The following TET2 variants were observed in gnomAD, a reference collection of about 807,000 sequenced individuals.
TET2 encodes the protein methylcytosine dioxygenase TET2.
TET2 carries 299 observed loss-of-function variants against 142.9 expected under a neutral mutation model. The observed-to-expected ratio is 2.09, with a 90% CI of 1.90 to 2.30. TET2 has a LOEUF of 2.30. TET2 is among the 30% of genes most tolerant of loss of function. The pLI is 0.00. For missense variants in TET2, 2,418 were observed against 2,378.0 expected (o/e 1.02, Z -0.35); for synonymous variants, 819 against 849.0 (o/e 0.96, Z 0.61).
rs2110234038 is a variant in TET2 at position 105,236,478 on chromosome 4, G to A, written c.2536G>A (p.Glu846Lys). 1 of 1,614,048 alleles carries A rather than the reference G, an allele frequency of 6.2e-7. No homozygotes were observed. The highest frequency in any genetic ancestry group is 1.1e-5 in the South Asian group (1 of 91,074). The change falls in exon 3 of 11, where the codon GAA (glutamate) becomes AAA (lysine). Residue 846 changes from glutamate (E) to lysine (K), a missense_variant. Glu to Lys is a moderately conservative substitution (Grantham distance 56). Coordinates refer to ENST00000380013, the MANE Select transcript of TET2 (RefSeq NM_001127208.3). Reference protein sequence around the residue: ...NNTHLVSENKEQTTHPELFAG... With the variant: ...NNTHLVSENKKQTTHPELFAG... ...TACACACCTAGTTTCAGAGAATAAA[G>A]AACAGACTACACATCCTGAACTTTT...
intron 2 of TET2, among the ~76,000 whole-genome samples, chr4:105,228,107 C>T (rs933576323): frequency 3.3e-5 from 5 of 152,060 alleles, no homozygotes; most frequent in African/African-American, 1.2e-4. Flanking sequence ...TGAAAGAGTA[C>T]TGTGCAAGTG....
At chr4:105,265,603 T>G (rs1216890464) in intron 8 of TET2, among the ~76,000 whole-genome samples, 1 of 152,176 alleles carries the variant, frequency 6.6e-6, no homozygotes, top group Non-Finnish European at 1.5e-5. Context: ...GGCCAAAGTT[T>G]TATGAGGTTA....
At chr4:105,243,320 G>C (rs1729404894) in intron 5 of TET2, among the ~76,000 whole-genome samples, 1 of 152,116 alleles carries the variant, frequency 6.6e-6, no homozygotes, top group Non-Finnish European at 1.5e-5. Context: ...TGTCCCCACT[G>C]TACTGGGTAT....
chr4:105,151,962 C>T (rs1234097423), intron 1 of TET2, among the ~76,000 whole-genome samples: 1 of 152,152 alleles, frequency 6.6e-6, no homozygotes, highest in Non-Finnish European at 1.5e-5. Context: ...GTAATCCCAG[C>T]TACTCAGGAG....
chr4:105,240,942 C>A, intron 3 of TET2: 1 of 1,081,082 alleles, frequency 9.2e-7, no homozygotes, highest in African/African-American at 1.6e-5. Context: ...TATTTTTAAT[C>A]TTTTAAAATC....
At chr4:105,206,010 ATC>A (rs1560751648) in intron 2 of TET2, among the ~76,000 whole-genome samples, 2 of 152,150 alleles carry the variant, frequency 1.3e-5, no homozygotes. Flanking sequence ...TGCTTAAAAG[ATC>A]AGGTCATGCC....
In TET2 at chr4:105,261,842, T is replaced by C. The variant is rs530837010; in HGVS notation, c.4038T>C (p.Asn1346=). ...AGAAACTTGCACCTGATGCATATAA[T>C]AATCAGGTAAGTTTAAATAATCATT... ...TYKKLAPDAY[N]NQIEYEHRAP... is the part of the protein sequence containing the mutation. The change falls in exon 8 of 11, where the codon AAT becomes AAC. Residue 1346 remains asparagine, a synonymous_variant. Coordinates refer to ENST00000380013, the MANE Select transcript of TET2 (RefSeq NM_001127208.3). 1 of 1,534,572 alleles carries C rather than the reference T, an allele frequency of 6.5e-7. No individual in the cohort carries two copies. The highest frequency in any genetic ancestry group is 2.0e-5 in the Admixed American group (1 of 50,482).
rs1199497103 is a variant in TET2, at chr4:105,233,920, T to C, written c.-23T>C. 1 of 1,590,786 alleles carries C rather than the reference T, an allele frequency of 6.3e-7. No individual in the cohort carries two copies. Among genetic ancestry groups the C allele is most frequent in the Admixed American group, 1.9e-5 (1 of 53,954 alleles). On this transcript the variant is annotated 5_prime_UTR_variant, in exon 3 of 11. Transcript: ENST00000380013. The stretch of plus-strand genomic sequence containing the variant: ...AGAATTCAACTAGAGGGCAGCCTTG[T>C]GGATGGCCCCGAAGCAAGCCTGATG...
Position 105,269,702 on chromosome 4 carries a change from T to C in TET2, c.4137T>C (p.Ala1379=), listed in dbSNP as rs2110300884. The change falls in exon 9 of 11, where the codon GCT becomes GCC. Residue 1379 remains alanine, a synonymous_variant. Transcript: ENST00000380013. ...SGVTACLDFC[A]HAHRDLHNMQ... ...TCACTGCATGTTTGGACTTCTGTGC[T>C]CATGCCCACAGAGACTTGCACAACA... The C allele has an allele frequency of 6.4e-7, 1 of 1,551,676 alleles. No individual in the cohort carries two copies. Among genetic ancestry groups the C allele is most frequent in the Non-Finnish European group, 8.7e-7 (1 of 1,146,950 alleles).
At chr4:105,270,675 TA>T (rs1333583053) in intron 9 of TET2, among the ~76,000 whole-genome samples, 246 of 5,872 alleles carry the variant, frequency 0.042, no homozygotes, top group African/African-American at 0.36. Flanking sequence ...AGATACATGT[TA>T]TATATATATA....
At chr4:105,183,375 CTT>C (rs1215930630) in intron 1 of TET2, among the ~76,000 whole-genome samples, 9 of 152,174 alleles carry the variant, frequency 5.9e-5, no homozygotes, top group Admixed American at 1.3e-4. Context: ...CACAAGTAGA[CTT>C]AGAATAATTC....
intron 1 of TET2, among the ~76,000 whole-genome samples, chr4:105,174,849 C>T (rs1724686965): frequency 6.6e-6 from 1 of 152,106 alleles, no homozygotes; most frequent in Non-Finnish European, 1.5e-5. Flanking sequence ...ACTATTTTAC[C>T]AGAGCCTAAA....
intron 4 of TET2, chr4:105,242,213 C>T: frequency 9.1e-7 from 1 of 1,098,064 alleles, no homozygotes; most frequent in Non-Finnish European, 1.1e-6. Flanking sequence ...TGTAGAAGTT[C>T]ACTAAATAAT....
At position 105,272,630 on chromosome 4, in the gene TET2, G is replaced by A. The variant is rs749210253; in HGVS notation, c.4249G>A (p.Val1417Ile). The change falls in exon 10 of 11, where the codon GTT becomes ATT. Residue 1417 changes from valine to isoleucine, a missense_variant. By Grantham distance (29) the Val-to-Ile change is conservative. Transcript: ENST00000380013. ...GGKPEDEQLH[V>I]LPLYKVSDVD... ...AAAACCTGAGGATGAGCAGCTTCACGTTCTGCCTTTATACAAAGTCTCTGA... is the reference window on the plus strand; with the variant it reads ...AAAACCTGAGGATGAGCAGCTTCACATTCTGCCTTTATACAAAGTCTCTGA... The A allele has an allele frequency of 2.2e-5, 34 of 1,551,180 alleles. No individual in the cohort carries two copies. In the South Asian group the frequency reaches 2.5e-4, roughly 11 times the overall value.
At chr4:105,158,608 A>G (rs2110367485) in intron 1 of TET2, among the ~76,000 whole-genome samples, 1 of 152,182 alleles carries the variant, frequency 6.6e-6, no homozygotes, top group Non-Finnish European at 1.5e-5. Context: ...TTTTTATGTA[A>G]TTCATCTCCC....
At chr4:105,198,875 T>G (rs1726262186) in intron 2 of TET2, among the ~76,000 whole-genome samples, 1 of 152,214 alleles carries the variant, frequency 6.6e-6, no homozygotes, top group Non-Finnish European at 1.5e-5. Flanking sequence ...GAAGTTACAC[T>G]ATATTAGAGC....
chr4:105,275,380 C>T lies in TET2; in HGVS notation c.4870C>T (p.Gln1624Ter). The change falls in exon 11 of 11, where the codon CAG becomes TAG. Residue 1624 changes from glutamine to a stop codon, truncating the protein, a stop_gained. Coordinates refer to ENST00000380013, the MANE Select transcript of TET2 (RefSeq NM_001127208.3). LOFTEE classifies it low-confidence loss of function (END_TRUNC). ...PMNPYPGLLN[Q>*]NTQYPSYQCN... ...GAACCCTTACCCTGGGCTTTTGAAT[C>T]AGAATACCCAATATCCATCATATCA... 1 of 1,551,622 alleles carries T rather than the reference C, an allele frequency of 6.4e-7. No homozygotes were observed. The highest frequency in any genetic ancestry group is 8.7e-7 in the Non-Finnish European group (1 of 1,146,974).
At chr4:105,203,030 A>AC in intron 2 of TET2, among the ~76,000 whole-genome samples, 1 of 152,204 alleles carries the variant, frequency 6.6e-6, no homozygotes, top group East Asian at 1.9e-4. Flanking sequence ...GAGTACTTGG[A>AC]TTTGTCTCTT....
In TET2 at chr4:105,237,700, A is replaced by G. The variant is rs1729039929; in HGVS notation, c.3409+349A>G. 4 of 1,299,948 alleles carry G rather than the reference A, an allele frequency of 3.1e-6. No individual in the cohort carries two copies. The South Asian group carries it at 5.4e-5, about 18-fold the overall frequency. 80.5% of individuals were successfully genotyped at this position (1,299,948 alleles called of 1,614,324 possible). A position where few individuals can be genotyped will look rare whatever the true frequency, so the allele number is the denominator to read the frequency against. On this transcript the variant is annotated intron_variant, in intron 3 of 10. Coordinates refer to ENST00000380013, the MANE Select transcript of TET2 (RefSeq NM_001127208.3). ...GAGACAGCTAGGCAGCAAAAAAACA[A>G]TCTATTAAAATGAGAAAATAACGAC...
Sources: gnomAD v4.1 joint callset for allele counts (sites outside exome capture counted in the v4.1 genomes callset) on GRCh38, gnomAD v4.1.1 for gene constraint, MANE v1.5 for transcripts, NCBI Gene and HGNC (gene_info 2026-07-23, HGNC 2026-07-21) for gene names.